GLT1D1: variants seen among roughly 807,000 people sequenced by gnomAD.
The protein encoded by GLT1D1 is glycosyltransferase 1 domain-containing protein 1.
In GLT1D1, 21 loss-of-function variants were observed where a neutral mutation model predicts 28.7. The ratio of observed to expected loss-of-function variants is 0.73; its 90% CI spans 0.52 to 1.05. The LOEUF (loss-of-function observed/expected upper bound fraction) is 1.05, where lower values mean the gene tolerates loss of function less well. Ranked by LOEUF, GLT1D1 falls within the 50% of genes least tolerant of loss-of-function variation. The probability of loss-of-function intolerance (pLI) is 0.00; values close to 1 mark genes in which losing one functional copy is unlikely to be tolerated. For synonymous variants in GLT1D1, 147 were observed against 124.8 expected (o/e 1.18, Z -1.19); for missense variants, 343 against 330.6 (o/e 1.04, Z -0.29).
At chr12:128,966,907 C>G (rs189378026) in intron 7 of GLT1D1, among the ~76,000 whole-genome samples, 2,453 of 152,286 alleles carry the variant, frequency 0.016, 29 homozygotes, top group Middle Eastern at 0.031. Context: ...GCTTTCCAAA[C>G]CTACTAAAGA....
At chr12:128,879,423 T>TTTCTTTCTTTCC (rs1956968169) in intron 2 of GLT1D1, among the ~76,000 whole-genome samples, 1 of 106,630 alleles carries the variant, frequency 9.4e-6, no homozygotes, top group African/African-American at 4.0e-5. Flanking sequence ...TCTTTCTTTC[T>TTTCTTTCTTTCC]TTCTTTCTTT....
At chr12:128,981,610 T>C (rs970980585) in intron 7 of GLT1D1, among the ~76,000 whole-genome samples, 5 of 152,274 alleles carry the variant, frequency 3.3e-5, no homozygotes, top group African/African-American at 1.2e-4. Flanking sequence ...CAACATTTAA[T>C]TAACAATAAT....
chr12:128,954,550 A>G (rs1328968204), intron 6 of GLT1D1, among the ~76,000 whole-genome samples: 3 of 152,164 alleles, frequency 2.0e-5, no homozygotes, highest in African/African-American at 4.8e-5. Context: ...ACAGGTCACT[A>G]TGCTCTATAA....
chr12:128,896,515 ATGTCTGTGACT>A (rs1362293343), intron 3 of GLT1D1, among the ~76,000 whole-genome samples: 72 of 148,514 alleles, frequency 4.8e-4, no homozygotes, highest in African/African-American at 1.7e-3. Context: ...TTACATTTGT[ATGTCTGTGACT>A]ATATTTTCAT....
At chr12:128,982,199 C>A (rs1025804769) in intron 7 of GLT1D1, among the ~76,000 whole-genome samples, 1 of 152,014 alleles carries the variant, frequency 6.6e-6, no homozygotes, top group Non-Finnish European at 1.5e-5. Context: ...GCTGATAAAC[C>A]CCCCTCCCTC....
intron 4 of GLT1D1, among the ~76,000 whole-genome samples, chr12:128,909,253 T>C (rs1871282317): frequency 6.6e-6 from 1 of 152,102 alleles, no homozygotes; most frequent in Non-Finnish European, 1.5e-5. Flanking sequence ...GTTCTTTGTG[T>C]GGTTGGTTCC....
chr12:128,888,620 G>A lies in GLT1D1; in HGVS notation c.218-19G>A. 1 of 1,549,864 alleles carries A rather than the reference G, an allele frequency of 6.5e-7. No homozygotes were observed. The highest frequency in any genetic ancestry group is 8.9e-7 in the Non-Finnish European group (1 of 1,123,932). On this transcript the variant is annotated intron_variant, in intron 2 of 7. Coordinates refer to ENST00000281703, the MANE Select transcript of GLT1D1 (RefSeq NM_144669.3). ...TTTTTAGGGCTAAATTCTGCTTTGT[G>A]ACTGTCATCGTTTTGCAGGCCACCG...
intron 4 of GLT1D1, among the ~76,000 whole-genome samples, chr12:128,903,360 C>G (rs1870504146): frequency 6.6e-6 from 1 of 151,696 alleles, no homozygotes; most frequent in Admixed American, 6.6e-5. Flanking sequence ...CAAGCACATT[C>G]CAGGCCTCTG....
intron 7 of GLT1D1, among the ~76,000 whole-genome samples, chr12:128,969,949 G>C (rs917185253): frequency 2.0e-5 from 3 of 152,042 alleles, no homozygotes; most frequent in Admixed American, 6.5e-5. Context: ...GGCATGGAGA[G>C]ACCCTCCCCT....
At chr12:128,970,187 T>TG (rs1565921947) in intron 7 of GLT1D1, among the ~76,000 whole-genome samples, 1 of 152,138 alleles carries the variant, frequency 6.6e-6, no homozygotes, top group African/African-American at 2.4e-5. Context: ...AGGACCCCGG[T>TG]GGGCTGCAGC....
chr12:128,895,429 G>A (rs533724691), intron 3 of GLT1D1, among the ~76,000 whole-genome samples: 35 of 151,862 alleles, frequency 2.3e-4, no homozygotes, highest in African/African-American at 8.0e-4. Flanking sequence ...GGGAGGGGTC[G>A]GGAGTTTGTT....
chr12:128,861,046 G>A (rs940184285), intron 1 of GLT1D1, among the ~76,000 whole-genome samples: 5 of 151,212 alleles, frequency 3.3e-5, no homozygotes, highest in African/African-American at 1.2e-4. Flanking sequence ...AAATATTCAC[G>A]CCGAGAGTAA....
chr12:128,856,106 T>A (rs1222970733), intron 1 of GLT1D1, among the ~76,000 whole-genome samples: 1 of 152,126 alleles, frequency 6.6e-6, no homozygotes, highest in Non-Finnish European at 1.5e-5. Context: ...AAGGAGTGGA[T>A]TATTCACACC....
At position 128,881,534 on chromosome 12, in the gene GLT1D1, G is replaced by GAAAAAA. The variant is rs1161429342; in HGVS notation, c.217+5495_217+5500dup. On this transcript the variant is annotated intron_variant, in intron 2 of 7. Transcript: ENST00000281703. ...GGGCAACAGAGTGAGACTCTGTATC[G>GAAAAAA]AAAAAAAAAAAAAAAAAAAAAAAAA... 1.3e-3 allele frequency among the ~76,000 whole-genome samples: 30 copies of GAAAAAA among 23,908 alleles called. 4 individuals are homozygous for GAAAAAA. Among genetic ancestry groups the GAAAAAA allele is most frequent in the Non-Finnish European group, 1.4e-3 (18 of 12,850 alleles). 15.7% of individuals were successfully genotyped at this position (23,908 alleles called of 152,430 possible).
chr12:128,927,757 G>A (rs1393635121), intron 4 of GLT1D1, among the ~76,000 whole-genome samples: 2 of 151,590 alleles, frequency 1.3e-5, no homozygotes, highest in Admixed American at 6.6e-5. Flanking sequence ...TGGCAACTTC[G>A]GGAGGCTGAG....
intron 2 of GLT1D1, 27 bp downstream of exon 2, chr12:128,876,089 A>T: frequency 1.3e-6 from 2 of 1,578,506 alleles, no homozygotes; most frequent in Non-Finnish European, 1.7e-6. Flanking sequence ...TCAAAAGTAA[A>T]ACACTAGAAA....
Position 128,947,462 on chromosome 12 carries a change from A to G in GLT1D1, c.540+4A>G. 6.2e-7 allele frequency: 1 copy of G among 1,614,126 alleles called. No individual in the cohort carries two copies. The highest frequency in any genetic ancestry group is 8.5e-7 in the Non-Finnish European group (1 of 1,180,018). On this transcript the variant is annotated splice_donor_region_variant and intron_variant, in intron 6 of 7. Coordinates refer to ENST00000281703, the MANE Select transcript of GLT1D1 (RefSeq NM_144669.3). The stretch of plus-strand genomic sequence containing the variant: ...CATGTCAGCTGCAATTTTGGAGGTA[A>G]TTATGTAACTCGAGTACTGAAAGTG...
At chr12:128,944,404 G>C in intron 4 of GLT1D1, 1 of 1,229,988 alleles carries the variant, frequency 8.1e-7, no homozygotes, top group Non-Finnish European at 1.2e-6. Flanking sequence ...AATAGTCCAG[G>C]ACTGGCTTTG....
chr12:128,919,420 G>A (rs746893686), intron 4 of GLT1D1, among the ~76,000 whole-genome samples: 1 of 152,304 alleles, frequency 6.6e-6, no homozygotes, highest in Middle Eastern at 3.4e-3. Context: ...GGTGTGTAGT[G>A]TGCTTCTTAA....
Sources: gnomAD v4.1 joint callset for allele counts (sites outside exome capture counted in the v4.1 genomes callset) on GRCh38, gnomAD v4.1.1 for gene constraint, MANE v1.5 for transcripts, NCBI Gene and HGNC (gene_info 2026-07-23, HGNC 2026-07-21) for gene names.